Variants in SLC30A6 observed in about 807,000 individuals in gnomAD.
SLC30A6 encodes solute carrier family 30 member 6.
SLC30A6 carries 55 observed loss-of-function variants against 63.0 expected under a neutral mutation model. That is an observed-to-expected ratio of 0.87 (90% CI 0.70 to 1.09). The LOEUF (loss-of-function observed/expected upper bound fraction) is 1.09, where lower values mean the gene tolerates loss of function less well. Ranked by LOEUF, SLC30A6 falls within the 50% of genes least tolerant of loss-of-function variation. The pLI is 0.00. For synonymous variants in SLC30A6, 224 were observed against 186.1 expected (o/e 1.20, Z -1.66); for missense variants, 587 against 549.2 (o/e 1.07, Z -0.69).
chr2:32,186,323 A>G (rs1218094094), intron 5 of SLC30A6, among the ~76,000 whole-genome samples: 1 of 152,210 alleles, frequency 6.6e-6, no homozygotes, highest in Non-Finnish European at 1.5e-5. Context: ...CATTATCACT[A>G]TGATAATCAG....
chr2:32,218,401 A>G (rs541490899), intron 13 of SLC30A6, among the ~76,000 whole-genome samples: 5 of 152,274 alleles, frequency 3.3e-5, no homozygotes, highest in East Asian at 1.9e-4. Context: ...TGATGAGTCA[A>G]TCTTCCTCAT....
intron 1 of SLC30A6, among the ~76,000 whole-genome samples, chr2:32,168,945 G>T (rs1680925601): frequency 6.6e-6 from 1 of 152,122 alleles, no homozygotes; most frequent in Admixed American, 6.6e-5. Context: ...TCATTGTCAG[G>T]ATGGCATCAG....
intron 7 of SLC30A6, 80 bp from the exon 8 acceptor site, chr2:32,193,809 T>C (rs1683545509): frequency 1.8e-6 from 2 of 1,096,928 alleles, no homozygotes; most frequent in South Asian, 1.3e-5. Flanking sequence ...TCCCACCTCT[T>C]AGTCCCTCTA....
intron 5 of SLC30A6, among the ~76,000 whole-genome samples, chr2:32,190,781 C>T (rs1683259115): frequency 1.3e-5 from 2 of 152,112 alleles, no homozygotes; most frequent in South Asian, 4.1e-4. Flanking sequence ...CGCACCACCA[C>T]GCCCAGCTAA....
chr2:32,207,358 G>T (rs543671272), intron 12 of SLC30A6, among the ~76,000 whole-genome samples: 1 of 150,928 alleles, frequency 6.6e-6, no homozygotes, highest in African/African-American at 2.4e-5. Flanking sequence ...CTACAGGCGC[G>T]TGCCACCATG....
intron 13 of SLC30A6, among the ~76,000 whole-genome samples, chr2:32,211,593 A>T (rs762168958): frequency 1.4e-4 from 21 of 150,272 alleles, no homozygotes; most frequent in Middle Eastern, 7.1e-3. Flanking sequence ...TATTTCAGGT[A>T]TGCAGTGCAC....
At chr2:32,178,570 G>A (rs547422782) in intron 4 of SLC30A6, among the ~76,000 whole-genome samples, 43 of 152,188 alleles carry the variant, frequency 2.8e-4, no homozygotes, top group Non-Finnish European at 4.4e-4. Context: ...CTACTCAGGA[G>A]GCTGAGGCAG....
intron 4 of SLC30A6, among the ~76,000 whole-genome samples, chr2:32,179,052 G>T (rs1364396779): frequency 6.6e-6 from 1 of 152,056 alleles, no homozygotes. Context: ...TAGAAATGAG[G>T]TCTTCTTATG....
rs1686299668 is a variant in SLC30A6 at position 32,224,268 on chromosome 2, A to T, written c.*3555A>T. The T allele has an allele frequency of 2.0e-6, 1 of 510,046 alleles. No homozygotes were observed. Among genetic ancestry groups the T allele is most frequent in the African/African-American group, 1.9e-5 (1 of 51,672 alleles). 31.6% of individuals were successfully genotyped at this position (510,046 alleles called of 1,614,324 possible). On this transcript the variant is annotated 3_prime_UTR_variant, in exon 14 of 14. Transcript: ENST00000282587. ...TGGTGTGACCCAGACCAAAGGTAACACAAAGATGAATGAGAATTCCTTCAA... is the reference window on the plus strand; with the variant it reads ...TGGTGTGACCCAGACCAAAGGTAACTCAAAGATGAATGAGAATTCCTTCAA...
chr2:32,210,742 CAGTCTTT>C (rs1304407826), intron 13 of SLC30A6, among the ~76,000 whole-genome samples: 1 of 152,046 alleles, frequency 6.6e-6, no homozygotes, highest in Non-Finnish European at 1.5e-5. Context: ...ACCCACTTTG[CAGTCTTT>C]AGTTTCAGGC....
intron 4 of SLC30A6, among the ~76,000 whole-genome samples, chr2:32,180,839 G>A (rs539925255): frequency 6.6e-6 from 1 of 152,292 alleles, no homozygotes; most frequent in Non-Finnish European, 1.5e-5. Flanking sequence ...TAAAACTAAA[G>A]TAATAATGTT....
At chr2:32,181,759 T>C (rs1682334882) in intron 4 of SLC30A6, among the ~76,000 whole-genome samples, 1 of 151,862 alleles carries the variant, frequency 6.6e-6, no homozygotes, top group Non-Finnish European at 1.5e-5. Flanking sequence ...TCCCAGCTGC[T>C]TGGAAAGCTG....
chr2:32,204,075 G>A (rs1476078871), intron 10 of SLC30A6: 5 of 527,562 alleles, frequency 9.5e-6, no homozygotes, highest in Admixed American at 2.9e-5. Context: ...CAAAAATTAG[G>A]TCATCATAGT....
intron 13 of SLC30A6, 54 bp from the exon 14 acceptor site, chr2:32,220,159 T>A: frequency 6.6e-7 from 1 of 1,526,538 alleles, no homozygotes; most frequent in Non-Finnish European, 8.8e-7. Flanking sequence ...TCTAATGAAT[T>A]TTTTGTTAGT....
At chr2:32,177,279 A>G (rs554463032) in intron 4 of SLC30A6, among the ~76,000 whole-genome samples, 304 of 152,064 alleles carry the variant, frequency 2.0e-3, no homozygotes, top group African/African-American at 6.9e-3. Flanking sequence ...TCTTAGCACA[A>G]TGCTTTTCTG....
chr2:32,199,108 T>C (rs76998146), intron 10 of SLC30A6, among the ~76,000 whole-genome samples: 1 of 152,216 alleles, frequency 6.6e-6, no homozygotes, highest in Non-Finnish European at 1.5e-5. Flanking sequence ...TGTCTGCTTA[T>C]TTCACTTAGC....
intron 10 of SLC30A6, 95 bp downstream of exon 10, chr2:32,197,921 G>A: frequency 6.9e-7 from 1 of 1,456,360 alleles, no homozygotes; most frequent in East Asian, 2.3e-5. Context: ...GCTTCTAGCA[G>A]TTTCGCTTAT....
chr2:32,223,370 G>A lies in SLC30A6; in HGVS notation c.*2657G>A, dbSNP rs933947139. 21 of 152,206 alleles carry A rather than the reference G, an allele frequency of 1.4e-4. No homozygotes were observed. Among genetic ancestry groups the A allele is most frequent in the African/African-American group, 5.1e-4 (21 of 41,436 alleles). The allele number at this position is 152,206 out of a possible 1,614,324, so 9.4% of individuals were successfully genotyped here. Reference sequence around the variant, plus strand: ...ACCATATTATAATAGGAAAAACACTGCCTAGGAGGCAAGAGATCTGAATTC... The same window carrying A: ...ACCATATTATAATAGGAAAAACACTACCTAGGAGGCAAGAGATCTGAATTC... On this transcript the variant is annotated 3_prime_UTR_variant, in exon 14 of 14. Coordinates refer to ENST00000282587, the MANE Select transcript of SLC30A6 (RefSeq NM_017964.5).
intron 1 of SLC30A6, among the ~76,000 whole-genome samples, chr2:32,169,727 A>C (rs547264145): frequency 6.6e-6 from 1 of 152,202 alleles, no homozygotes; most frequent in Non-Finnish European, 1.5e-5. Context: ...CGTGTAGCCT[A>C]TATTTAAAAT....
Sources: allele counts gnomAD v4.1 joint callset (sites outside exome capture counted in the v4.1 genomes callset), GRCh38; gene constraint gnomAD v4.1.1; transcripts MANE v1.5; gene names NCBI Gene and HGNC (gene_info 2026-07-23, HGNC 2026-07-21).